Variants in FER observed in about 807,000 individuals in gnomAD.
The protein encoded by FER is tyrosine-protein kinase Fer.
FER carries 63 observed loss-of-function variants against 111.0 expected under a neutral mutation model. The ratio of observed to expected loss-of-function variants is 0.57; its 90% CI spans 0.46 to 0.70. The LOEUF is 0.70. Ranked by LOEUF, FER falls within the 30% of genes least tolerant of loss-of-function variation. The pLI is 0.00. For missense variants in FER, 914 were observed against 954.0 expected, an observed-to-expected ratio of 0.96 and a Z score of 0.55; for synonymous variants, 327 against 313.9, an observed-to-expected ratio of 1.04 and a Z score of -0.44.
chr5:108,924,087 A>C (rs1306740936), intron 10 of FER, among the ~76,000 whole-genome samples: 4 of 79,824 alleles, frequency 5.0e-5, no homozygotes, highest in African/African-American at 2.9e-4. Flanking sequence ...CAGGTGCAGT[A>C]AGCTCACACC....
At chr5:109,004,016 C>T (rs916439885) in intron 13 of FER, among the ~76,000 whole-genome samples, 1 of 151,616 alleles carries the variant, frequency 6.6e-6, no homozygotes, top group African/African-American at 2.4e-5. Context: ...ATTGTACAAT[C>T]TTTTTTTTTG....
chr5:109,120,781 T>C lies in FER; in HGVS notation c.2048+20262T>C, dbSNP rs537510511. On this transcript the variant is annotated intron_variant, in intron 17 of 19. Coordinates refer to ENST00000281092, the MANE Select transcript of FER (RefSeq NM_005246.4). ...CGTGTTCAATTTATTTCACCAATGTTTTATAGTTTTCATTATAGACATCTT... is the reference window on the plus strand; with the variant it reads ...CGTGTTCAATTTATTTCACCAATGTCTTATAGTTTTCATTATAGACATCTT... Among the ~76,000 whole-genome samples the C allele has an allele frequency of 3.3e-5, 5 of 152,230 alleles. No homozygotes were observed. In the South Asian group the frequency reaches 1.0e-3, roughly 32 times the overall value.
At chr5:108,767,844 A>G (rs995207086) in intron 1 of FER, among the ~76,000 whole-genome samples, 1 of 152,198 alleles carries the variant, frequency 6.6e-6, no homozygotes, top group African/African-American at 2.4e-5. Flanking sequence ...TTACCTCTTG[A>G]AAACTGAGGG....
intron 17 of FER, among the ~76,000 whole-genome samples, chr5:109,156,980 A>C (rs1755466160): frequency 6.6e-6 from 1 of 152,096 alleles, no homozygotes; most frequent in Non-Finnish European, 1.5e-5. Context: ...TCCATGGAGA[A>C]GAGGAGGTAG....
intron 8 of FER, among the ~76,000 whole-genome samples, chr5:108,874,475 AG>A (rs1309028234): frequency 5.3e-5 from 8 of 152,158 alleles, no homozygotes; most frequent in African/African-American, 1.9e-4. Flanking sequence ...TATGAGTTTA[AG>A]ATTAGGGGTT....
intron 17 of FER, among the ~76,000 whole-genome samples, chr5:109,160,909 G>C (rs1166798119): frequency 6.6e-6 from 1 of 152,126 alleles, no homozygotes; most frequent in African/African-American, 2.4e-5. Context: ...GACTGATGAC[G>C]GATGCTACAT....
At chr5:108,817,539 A>G (rs1485768604) in intron 3 of FER, among the ~76,000 whole-genome samples, 1 of 152,216 alleles carries the variant, frequency 6.6e-6, no homozygotes, top group Non-Finnish European at 1.5e-5. Context: ...GTGAAAAGCT[A>G]TTTATAACAA....
chr5:108,914,030 C>G (rs1239834836), intron 10 of FER, among the ~76,000 whole-genome samples: 1 of 152,158 alleles, frequency 6.6e-6, no homozygotes, highest in African/African-American at 2.4e-5. Flanking sequence ...ACACAAGACA[C>G]TTCTAGAGTA....
In FER at chr5:108,810,666, A is replaced by G. The variant is rs149696072; in HGVS notation, c.207+12277A>G. Among the ~76,000 whole-genome samples the G allele has an allele frequency of 1.3e-3, 203 of 152,326 alleles. 1 individual carries two copies. Among genetic ancestry groups the G allele is most frequent in the African/African-American group, 4.8e-3 (199 of 41,582 alleles). ...AGTCTCTGCACAGGAATGGTGGGGC[A>G]GGTCAGGTTGCTGATTCAGAAGAGT... is the stretch of plus-strand genomic sequence containing the variant. On this transcript the variant is annotated intron_variant, in intron 3 of 19. Transcript: ENST00000281092.
rs141115501 is a variant in FER at position 109,159,895 on chromosome 5, C to A, written c.2049-20852C>A. ...CAGATGATCTGCACTGATAAAAAAC[C>A]ATTGACTAGTTTTGATTTACCTACC... On this transcript the variant is annotated intron_variant, in intron 17 of 19. Transcript: ENST00000281092. Among the ~76,000 whole-genome samples, 78 of 152,036 alleles carry A rather than the reference C, an allele frequency of 5.1e-4. 1 individual carries two copies. In the East Asian group the frequency reaches 0.014, roughly 27 times the overall value.
chr5:108,816,187 T>G (rs1214588950), intron 3 of FER, among the ~76,000 whole-genome samples: 1 of 152,168 alleles, frequency 6.6e-6, no homozygotes, highest in Non-Finnish European at 1.5e-5. Context: ...AGCTTAACGT[T>G]AATTTTGCAT....
At chr5:108,835,842 G>A (rs946383241) in intron 5 of FER, 35 bp downstream of exon 5, 32 of 1,190,766 alleles carry the variant, frequency 2.7e-5, no homozygotes, top group Non-Finnish European at 3.6e-5. Context: ...TTACTTAGGT[G>A]ATTTTTATTC....
chr5:109,147,778 TAC>T (rs1280314161), intron 17 of FER, among the ~76,000 whole-genome samples: 2 of 106,766 alleles, frequency 1.9e-5, no homozygotes, highest in African/African-American at 7.6e-5. Flanking sequence ...CACACACACA[TAC>T]ATATATATAT....
intron 10 of FER, among the ~76,000 whole-genome samples, chr5:108,919,025 A>C (rs998592987): frequency 2.6e-5 from 4 of 152,164 alleles, no homozygotes; most frequent in Non-Finnish European, 5.9e-5. Context: ...ACAATTAGAT[A>C]ATTTCTGTGT....
At chr5:109,174,174 C>T (rs144947688) in intron 17 of FER, among the ~76,000 whole-genome samples, 2 of 151,920 alleles carry the variant, frequency 1.3e-5, no homozygotes, top group Non-Finnish European at 2.9e-5. Flanking sequence ...TAAAGGAGGT[C>T]GCAAAGGGAA....
chr5:108,806,119 C>T (rs1757179593), intron 3 of FER, among the ~76,000 whole-genome samples: 1 of 152,188 alleles, frequency 6.6e-6, no homozygotes, highest in African/African-American at 2.4e-5. Flanking sequence ...ATCCTAGCCG[C>T]TCCAGCCGTG....
intron 2 of FER, among the ~76,000 whole-genome samples, chr5:108,779,593 T>C (rs554434780): frequency 6.6e-6 from 1 of 152,218 alleles, no homozygotes; most frequent in Non-Finnish European, 1.5e-5. Context: ...TTGTACTTGT[T>C]CATTGCTGGT....
At chr5:108,979,240 T>A (rs1191272552) in intron 13 of FER, among the ~76,000 whole-genome samples, 1 of 152,202 alleles carries the variant, frequency 6.6e-6, no homozygotes, top group African/African-American at 2.4e-5. Flanking sequence ...CAGGAAAGCC[T>A]GTTCAGAAGT....
At chr5:108,974,946 T>G (rs191606667) in intron 13 of FER, among the ~76,000 whole-genome samples, 13 of 152,350 alleles carry the variant, frequency 8.5e-5, no homozygotes, top group African/African-American at 2.9e-4. Context: ...TTGTGTTTAC[T>G]ATAAAGACAC....
Sources: allele counts gnomAD v4.1 joint callset (sites outside exome capture counted in the v4.1 genomes callset), GRCh38; gene constraint gnomAD v4.1.1; transcripts MANE v1.5; gene names NCBI Gene and HGNC (gene_info 2026-07-23, HGNC 2026-07-21).